Variants in HTATIP2 observed in about 807,000 individuals in gnomAD.
HTATIP2 encodes the protein HIV-1 Tat interactive protein 2, also known as protein HTATIP2.
In HTATIP2, 26 loss-of-function variants were observed where a neutral mutation model predicts 24.7. The observed-to-expected ratio is 1.05, with a 90% CI of 0.77 to 1.46. HTATIP2 has a LOEUF of 1.46. Among genes scored for constraint, HTATIP2 ranks in the 40% most tolerant of loss-of-function variants. The probability of loss-of-function intolerance (pLI) is 0.00; values close to 1 mark genes in which losing one functional copy is unlikely to be tolerated. For missense variants in HTATIP2, 284 were observed against 289.6 expected (o/e 0.98, Z 0.14); for synonymous variants, 99 against 113.2 (o/e 0.87, Z 0.79).
At chr11:20,375,407 A>C (rs1848430925) in intron 2 of HTATIP2, among the ~76,000 whole-genome samples, 1 of 152,166 alleles carries the variant, frequency 6.6e-6, no homozygotes, top group African/African-American at 2.4e-5. Context: ...CCCTGTCTCT[A>C]CTAAAATACA....
chr11:20,370,945 G>A (rs922264274), intron 2 of HTATIP2, among the ~76,000 whole-genome samples: 8 of 152,080 alleles, frequency 5.3e-5, no homozygotes, highest in African/African-American at 1.7e-4. Context: ...CACCGCACCC[G>A]GCCTATATTT....
At position 20,367,295 on chromosome 11, in the gene HTATIP2, A is replaced by G. The variant is rs1171946424; in HGVS notation, c.303+14A>G. 1 of 1,613,754 alleles carries G rather than the reference A, an allele frequency of 6.2e-7. No individual in the cohort carries two copies. The highest frequency in any genetic ancestry group is 8.5e-7 in the Non-Finnish European group (1 of 1,179,992). ...AAAGCTGGGGCGGTAAGGAAGGCAT[A>G]TGCTCTTTTCCCTTTTTGCTGGCCA... On this transcript the variant is annotated intron_variant, in intron 2 of 4. Coordinates refer to ENST00000451739, the MANE Select transcript of HTATIP2 (RefSeq NM_001098522.2).
chr11:20,383,574 T>A lies in HTATIP2; in HGVS notation c.*369T>A. On this transcript the variant is annotated 3_prime_UTR_variant, in exon 5 of 5. Coordinates refer to ENST00000451739, the MANE Select transcript of HTATIP2 (RefSeq NM_001098522.2). ...CTTGTCTGCAGAGTCACAGCAGCCA[T>A]GAAAACCTTATGACCGTGCAAATGA... 4.4e-6 allele frequency: 1 copy of A among 228,058 alleles called. No individual in the cohort carries two copies. The highest frequency in any genetic ancestry group is 8.7e-6 in the Non-Finnish European group (1 of 115,380). The allele number at this position is 228,058 out of a possible 1,614,324, so 14.1% of individuals were successfully genotyped here.
Position 20,364,093 on chromosome 11 carries a change from C to T in HTATIP2, c.-145C>T, listed in dbSNP as rs2064665795. The T allele has an allele frequency of 7.2e-7, 1 of 1,388,226 alleles. No individual in the cohort carries two copies. 86.0% of individuals were successfully genotyped at this position (1,388,226 alleles called of 1,614,324 possible). ...GATGGCCGGGGAGCCGCGCCCCGCA[C>T]GTGACTCAGCACTTTCCCCAGAGCC... On this transcript the variant is annotated 5_prime_UTR_variant, in exon 1 of 5. The change creates a new upstream start codon in the 5' untranslated region. Coordinates refer to ENST00000451739, the MANE Select transcript of HTATIP2 (RefSeq NM_001098522.2).
At chr11:20,367,400 GT>G in intron 2 of HTATIP2, 119 bp downstream of exon 2, 2 of 1,572,956 alleles carry the variant, frequency 1.3e-6, no homozygotes, top group South Asian at 2.3e-5. Context: ...AGCCTTTATT[GT>G]TTAAGATTCT....
At chr11:20,376,537 C>G (rs1206478926) in intron 2 of HTATIP2, 43 bp from the exon 3 acceptor site, 2 of 1,611,494 alleles carry the variant, frequency 1.2e-6, no homozygotes, top group Non-Finnish European at 1.7e-6. Context: ...TTAAGATGAA[C>G]TTGCTGCTTT....
intron 1 of HTATIP2, among the ~76,000 whole-genome samples, chr11:20,365,871 G>A (rs1025304916): frequency 2.7e-4 from 41 of 151,302 alleles, no homozygotes; most frequent in African/African-American, 8.3e-4. Context: ...CTCAGGAGGC[G>A]GAGGTGCGAG....
At chr11:20,368,182 A>G (rs1489402812) in intron 2 of HTATIP2, among the ~76,000 whole-genome samples, 4 of 151,822 alleles carry the variant, frequency 2.6e-5, no homozygotes, top group Admixed American at 6.6e-5. Context: ...CAGGAAAACA[A>G]GAAAAAAGAA....
rs1361697928 is a variant in HTATIP2 at position 20,363,893 on chromosome 11, G to A, written c.-345G>A. The A allele has an allele frequency of 1.6e-6, 2 of 1,243,150 alleles. No individual in the cohort carries two copies. Among genetic ancestry groups the A allele is most frequent in the African/African-American group, 3.1e-5 (2 of 64,398 alleles). 77.0% of individuals were successfully genotyped at this position (1,243,150 alleles called of 1,614,324 possible). A position where few individuals can be genotyped will look rare whatever the true frequency, so the allele number is the denominator to read the frequency against. ...GCTCCTGCTGCGTCGTGAGGACCCG[G>A]GGCCGGGGGCTGGCCCCAGGTAACC... is the stretch of plus-strand genomic sequence containing the variant. On this transcript the variant is annotated 5_prime_UTR_variant, in exon 1 of 5. Transcript: ENST00000451739.
In HTATIP2 at chr11:20,364,091, C is replaced by T; in HGVS notation, c.-147C>T. 1 of 1,387,238 alleles carries T rather than the reference C, an allele frequency of 7.2e-7. No individual in the cohort carries two copies. The highest frequency in any genetic ancestry group is 9.4e-7 in the Non-Finnish European group (1 of 1,069,458). 85.9% of individuals were successfully genotyped at this position (1,387,238 alleles called of 1,614,324 possible). The stretch of plus-strand genomic sequence containing the variant: ...GCGATGGCCGGGGAGCCGCGCCCCG[C>T]ACGTGACTCAGCACTTTCCCCAGAG... On this transcript the variant is annotated 5_prime_UTR_variant, in exon 1 of 5. Transcript: ENST00000451739.
At position 20,380,835 on chromosome 11, in the gene HTATIP2, T is replaced by G. The variant is rs967606455; in HGVS notation, c.442-1343T>G. ...AATGTGATATATTCATGCAATAGAA[T>G]ATTATTCAGCTATAAAAAGAAATGA... On this transcript the variant is annotated intron_variant, in intron 3 of 4. Transcript: ENST00000451739. 3.9e-4 allele frequency among the ~76,000 whole-genome samples: 60 copies of G among 152,268 alleles called. 1 individual carries two copies. The highest frequency in any genetic ancestry group is 3.4e-3 in the Middle Eastern group (1 of 294).
chr11:20,363,974 T>TG lies in HTATIP2; in HGVS notation c.-260dup. On this transcript the variant is annotated 5_prime_UTR_variant, in exon 1 of 5. The change abolishes the stop of an existing upstream ORF in the 5' untranslated region. Coordinates refer to ENST00000451739, the MANE Select transcript of HTATIP2 (RefSeq NM_001098522.2). ...TCTCCTGGCCGGGCCGGGGATACCGTGGGGTATGCCCAGTGATGCCAGCAG... is the reference window on the plus strand; with the variant it reads ...TCTCCTGGCCGGGCCGGGGATACCGTGGGGGTATGCCCAGTGATGCCAGCAG... 8.0e-7 allele frequency: 1 copy of TG among 1,245,808 alleles called. No homozygotes were observed. 77.2% of individuals were successfully genotyped at this position (1,245,808 alleles called of 1,614,324 possible). A position where few individuals can be genotyped will look rare whatever the true frequency, so the allele number is the denominator to read the frequency against.
chr11:20,374,585 C>G (rs1848414815), intron 2 of HTATIP2, among the ~76,000 whole-genome samples: 1 of 152,198 alleles, frequency 6.6e-6, no homozygotes, highest in Non-Finnish European at 1.5e-5. Flanking sequence ...ATTACTCCAG[C>G]CTGCTCTTCT....
intron 3 of HTATIP2, 141 bp from the exon 4 acceptor site, chr11:20,382,037 C>T (rs1848528253): frequency 1.7e-6 from 1 of 584,986 alleles, no homozygotes. Context: ...CTCCTTGGAA[C>T]CTAAAATTCT....
intron 3 of HTATIP2, among the ~76,000 whole-genome samples, chr11:20,378,825 G>A (rs1398254178): frequency 6.6e-6 from 1 of 152,134 alleles, no homozygotes; most frequent in Non-Finnish European, 1.5e-5. Context: ...ATCACTTGAG[G>A]CTGGGAGTTT....
In HTATIP2 at chr11:20,364,303, T is replaced by G. The variant is rs765101155; in HGVS notation, c.66T>G (p.Phe22Leu). The G allele has an allele frequency of 2.5e-6, 4 of 1,613,758 alleles. No homozygotes were observed. In the East Asian group the frequency reaches 6.7e-5, roughly 27 times the overall value. Residue 22 changes from phenylalanine (F) to leucine (L), a missense_variant, in exon 1 of 5, where the codon TTT becomes TTG. Transcript: ENST00000451739. Reference protein sequence around the residue: ...EDFRMQNKSVFILGASGETGR... With the variant: ...EDFRMQNKSVLILGASGETGR... ...TCAGGATGCAGAATAAATCCGTCTT[T>G]ATTTTGGGCGCCAGCGGAGAAACCG... is the stretch of plus-strand genomic sequence containing the variant.
chr11:20,381,156 T>A (rs2055244), intron 3 of HTATIP2, among the ~76,000 whole-genome samples: 2 of 152,008 alleles, frequency 1.3e-5, no homozygotes, highest in South Asian at 4.1e-4. Flanking sequence ...AAAAAAAGAA[T>A]GGCCAAGCGC....
intron 4 of HTATIP2, 84 bp from the exon 5 acceptor site, chr11:20,382,896 T>C: frequency 2.2e-6 from 2 of 915,108 alleles, no homozygotes; most frequent in Non-Finnish European, 3.3e-6. Flanking sequence ...GATACAGTTT[T>C]GTCCGTAATG....
intron 2 of HTATIP2, among the ~76,000 whole-genome samples, chr11:20,368,836 T>C (rs1192375519): frequency 6.6e-6 from 1 of 152,254 alleles, no homozygotes; most frequent in East Asian, 1.9e-4. Flanking sequence ...ATCCAGAATT[T>C]TCTTTTTTAA....
Sources: allele counts gnomAD v4.1 joint callset (sites outside exome capture counted in the v4.1 genomes callset), GRCh38; gene constraint gnomAD v4.1.1; transcripts MANE v1.5; gene names NCBI Gene and HGNC (gene_info 2026-07-23, HGNC 2026-07-21).